GIPR: variants seen among roughly 807,000 people sequenced by gnomAD.
GIPR encodes the protein GIP-R.
A neutral mutation model predicts 62.2 loss-of-function variants in GIPR; 74 were observed. That is an observed-to-expected ratio of 1.19 (90% CI 0.99 to 1.44). GIPR has a LOEUF of 1.44. GIPR is among the 40% of genes most tolerant of loss of function. The pLI, the probability that GIPR is intolerant of heterozygous loss-of-function variation, is 0.00. For missense variants in GIPR, 664 were observed against 611.8 expected, an observed-to-expected ratio of 1.09 and a Z score of -0.90; for synonymous variants, 256 against 262.2, an observed-to-expected ratio of 0.98 and a Z score of 0.23.
rs1176654355 is a variant in GIPR at position 45,683,667 on chromosome 19, T to C, written c.*1732T>C. 2.0e-5 allele frequency: 3 copies of C among 152,224 alleles called. No individual in the cohort carries two copies. Among genetic ancestry groups the C allele is most frequent in the Non-Finnish European group, 4.4e-5 (3 of 68,034 alleles). 9.4% of individuals were successfully genotyped at this position (152,224 alleles called of 1,614,324 possible). On this transcript the variant is annotated 3_prime_UTR_variant, in exon 14 of 14. Coordinates refer to ENST00000590918, the MANE Select transcript of GIPR (RefSeq NM_000164.4). ...CCCCTACACCCTGCCTTGTGGGTTC[T>C]CGCGGGGTGGGGGCCTTAGGGCAAG...
intron 4 of GIPR, among the ~76,000 whole-genome samples, chr19:45,672,007 C>CTATTTTTTTTT (rs1555774635): frequency 6.8e-6 from 1 of 147,176 alleles, no homozygotes; most frequent in East Asian, 2.5e-4. Flanking sequence ...GCCTCAGACA[C>CTATTTTTTTTT]TTTATTTATT....
rs753776197 is a variant in GIPR at position 45,678,124 on chromosome 19, G to GGGTGTC, written c.1051_1056dup (p.Gly351_Val352dup). The GGGTGTC allele has an allele frequency of 1.2e-6, 2 of 1,612,632 alleles. No homozygotes were observed. Among genetic ancestry groups the GGGTGTC allele is most frequent in the Admixed American group, 3.3e-5 (2 of 59,896 alleles). On this transcript the variant is annotated inframe_insertion, in exon 12 of 14. Transcript: ENST00000590918. ...CCACGCTGACGCTGGTGCCCCTGCT[G>GGGTGTC]GGTGTCCACGAGGTGGTGTTTGCTC...
chr19:45,681,236 T>C (rs1476265546), intron 12 of GIPR, among the ~76,000 whole-genome samples: 3 of 152,186 alleles, frequency 2.0e-5, no homozygotes, highest in Non-Finnish European at 4.4e-5. Context: ...GGCTCATGCC[T>C]GTAATCTCAG....
intron 2 of GIPR, 76 bp downstream of exon 2, chr19:45,669,668 G>A: frequency 6.6e-7 from 1 of 1,521,760 alleles, no homozygotes; most frequent in Non-Finnish European, 8.8e-7. Context: ...TCCGTCGTCA[G>A]GGCGCTGTCG....
chr19:45,672,891 C>T lies in GIPR; in HGVS notation c.321C>T (p.Gly107=). ...TCCTCCGCCAGTGTGGCAGTGATGG[C>T]CAATGGGGACTTTGGAGAGACCATA... ...GFVLRQCGSD[G]QWGLWRDHTQ... is the part of the protein sequence containing the mutation. Residue 107 remains glycine (G), a synonymous_variant, in exon 5 of 14, where the codon GGC becomes GGT. Coordinates refer to ENST00000590918, the MANE Select transcript of GIPR (RefSeq NM_000164.4). The T allele has an allele frequency of 1.2e-6, 2 of 1,613,308 alleles. No homozygotes were observed. Among genetic ancestry groups the T allele is most frequent in the Non-Finnish European group, 1.7e-6 (2 of 1,179,296 alleles).
chr19:45,677,005 C>A lies in GIPR; in HGVS notation c.690C>A (p.Asn230Lys). The A allele has an allele frequency of 6.2e-7, 1 of 1,614,070 alleles. No homozygotes were observed. Among genetic ancestry groups the A allele is most frequent in the Non-Finnish European group, 8.5e-7 (1 of 1,179,938 alleles). Reference protein sequence around the residue: ...QIVTQYCVGANYTWLLVEGVY... With the variant: ...QIVTQYCVGAKYTWLLVEGVY... ...TGACCCAGTACTGCGTGGGTGCCAA[C>A]TACACGTGGCTGCTGGTGGAGGGCG... The change falls in exon 8 of 14, where the codon AAC becomes AAA. Residue 230 changes from asparagine (N) to lysine (K), a missense_variant. Transcript: ENST00000590918.
intron 3 of GIPR, 78 bp from the exon 4 acceptor site, chr19:45,671,207 C>G (rs1279467488): frequency 1.4e-5 from 12 of 844,714 alleles, no homozygotes; most frequent in Admixed American, 5.2e-5. Flanking sequence ...CGGAGAAGCA[C>G]TTGGCCCACT....
intron 8 of GIPR, 53 bp from the exon 9 acceptor site, chr19:45,677,270 G>A: frequency 7.1e-7 from 1 of 1,408,060 alleles, no homozygotes. Flanking sequence ...CGGGGCCCGT[G>A]AGCGCGCTGA....
rs746029961 is a variant in GIPR at position 45,671,302 on chromosome 19, T to C, written c.190T>C (p.Ser64Pro). 3.7e-6 allele frequency: 6 copies of C among 1,611,424 alleles called. No homozygotes were observed. Among genetic ancestry groups the C allele is most frequent in the Non-Finnish European group, 3.4e-6 (4 of 1,178,874 alleles). ...EPPSGLACNG[S>P]FDMYVCWDYA... The stretch of plus-strand genomic sequence containing the variant: ...ACCCCCAGGCCTCGCCTGTAACGGG[T>C]CCTTCGATATGTACGTCTGCTGGGA... Residue 64 changes from serine to proline, a missense_variant, in exon 4 of 14, where the codon TCC becomes CCC. Ser to Pro is a moderately conservative substitution (Grantham distance 74). Transcript: ENST00000590918.
At chr19:45,675,022 A>G in intron 7 of GIPR, 196 bp downstream of exon 7, 1 of 654,520 alleles carries the variant, frequency 1.5e-6, no homozygotes, top group South Asian at 1.8e-5. Context: ...CTCTGCCATC[A>G]TTTAACTCTC....
Position 45,672,853 on chromosome 19 carries a change from G to T in GIPR, c.283G>T (p.Ala95Ser). The change falls in exon 5 of 14, where the codon GCT (alanine) becomes TCT (serine). Residue 95 changes from alanine to serine, a missense_variant and splice_region_variant. By Grantham distance (99) the Ala-to-Ser change is moderately conservative. Transcript: ENST00000590918. ...TTCCCTCTCTTCTTTCCCCACAGTG[G>T]CTGCAGGTTTCGTCCTCCGCCAGTG... The part of the protein sequence containing the change: ...PWYLPWHHHV[A>S]AGFVLRQCGS... 2 of 1,601,138 alleles carry T rather than the reference G, an allele frequency of 1.2e-6. No individual in the cohort carries two copies. Among genetic ancestry groups the T allele is most frequent in the South Asian group, 2.2e-5 (2 of 90,806 alleles).
At chr19:45,674,553 G>T in intron 6 of GIPR, 129 bp from the exon 7 acceptor site, 1 of 819,742 alleles carries the variant, frequency 1.2e-6, no homozygotes, top group Non-Finnish European at 2.0e-6. Context: ...GCTGCAGTGA[G>T]CCCTGATTGT....
At chr19:45,671,013 C>T (rs1181455118) in intron 3 of GIPR, among the ~76,000 whole-genome samples, 1 of 116,882 alleles carries the variant, frequency 8.6e-6, no homozygotes, top group East Asian at 2.5e-4. Context: ...AGGGCCCTTC[C>T]GGGTGGGACG....
At chr19:45,670,366 T>A in intron 2 of GIPR, 1 of 402,964 alleles carries the variant, frequency 2.5e-6, no homozygotes, top group Non-Finnish European at 4.5e-6. Context: ...TTCCACTCCC[T>A]TTTCTTCCCC....
chr19:45,669,700 C>T (rs894531543), intron 2 of GIPR, 108 bp downstream of exon 2: 4 of 1,431,310 alleles, frequency 2.8e-6, no homozygotes, highest in Non-Finnish European at 2.8e-6. Context: ...AATCCCAGCA[C>T]TTTGGGAGGC....
Position 45,669,595 on chromosome 19 carries a change from G to A in GIPR, c.72+3G>A. 1 of 1,575,672 alleles carries A rather than the reference G, an allele frequency of 6.3e-7. No individual in the cohort carries two copies. ...GGCTGCTGCTCCAGAGGGCGGAGGTGAGGAAGCGAGGAGCCAGAGGAGCTC... is the reference window on the plus strand; with the variant it reads ...GGCTGCTGCTCCAGAGGGCGGAGGTAAGGAAGCGAGGAGCCAGAGGAGCTC... On this transcript the variant is annotated splice_donor_region_variant and intron_variant, in intron 2 of 13. Transcript: ENST00000590918.
chr19:45,683,510 C>A lies in GIPR; in HGVS notation c.*1575C>A, dbSNP rs1207135243. On this transcript the variant is annotated 3_prime_UTR_variant, in exon 14 of 14. Coordinates refer to ENST00000590918, the MANE Select transcript of GIPR (RefSeq NM_000164.4). ...AAGACCCTCACCCCTAAATCCTCCCCCTACACATATGCACACTTAAGTTAC... is the reference window on the plus strand; with the variant it reads ...AAGACCCTCACCCCTAAATCCTCCCACTACACATATGCACACTTAAGTTAC... 6.6e-6 allele frequency: 1 copy of A among 152,202 alleles called. No homozygotes were observed. The highest frequency in any genetic ancestry group is 1.5e-5 in the Non-Finnish European group (1 of 68,086). The allele number at this position is 152,202 out of a possible 1,614,324, so 9.4% of individuals were successfully genotyped here. A position where few individuals can be genotyped will look rare whatever the true frequency, so the allele number is the denominator to read the frequency against.
rs1228804739 is a variant in GIPR, at chr19:45,682,582, A to G, written c.*647A>G. 6.9e-6 allele frequency: 1 copy of G among 144,162 alleles called. No individual in the cohort carries two copies. Among genetic ancestry groups the G allele is most frequent in the East Asian group, 2.0e-4 (1 of 4,906 alleles). The allele number at this position is 144,162 out of a possible 1,614,324, so 8.9% of individuals were successfully genotyped here. A position where few individuals can be genotyped will look rare whatever the true frequency, so the allele number is the denominator to read the frequency against. ...ACCCGGCTTTTTTTTTTTTTTTTAA[A>G]CGGAGTCTCACTCTGTCACCCAGGC... On this transcript the variant is annotated 3_prime_UTR_variant, in exon 14 of 14. Coordinates refer to ENST00000590918, the MANE Select transcript of GIPR (RefSeq NM_000164.4).
intron 7 of GIPR, among the ~76,000 whole-genome samples, chr19:45,675,177 G>A (rs529297846): frequency 5.9e-5 from 9 of 152,270 alleles, no homozygotes; most frequent in African/African-American, 1.7e-4. Context: ...GTGGGGATGT[G>A]GCAGGTGCCA....
Sources: gnomAD v4.1 joint callset for allele counts (sites outside exome capture counted in the v4.1 genomes callset) on GRCh38, gnomAD v4.1.1 for gene constraint, MANE v1.5 for transcripts, NCBI Gene and HGNC (gene_info 2026-07-23, HGNC 2026-07-21) for gene names.